The following MARCHF6 variants were observed in gnomAD, a reference collection of about 807,000 sequenced individuals.
The protein encoded by MARCHF6 is E3 ubiquitin-protein ligase MARCHF6.
A neutral mutation model predicts 133.7 loss-of-function variants in MARCHF6; 31 were observed. The observed-to-expected ratio is 0.23, with a 90% CI of 0.17 to 0.31. The LOEUF (loss-of-function observed/expected upper bound fraction) is 0.31, where lower values mean the gene tolerates loss of function less well. Ranked by LOEUF, MARCHF6 falls within the 10% of genes least tolerant of loss-of-function variation. The pLI, the probability that MARCHF6 is intolerant of heterozygous loss-of-function variation, is 1.00. For synonymous variants in MARCHF6, 395 were observed against 402.5 expected, an observed-to-expected ratio of 0.98 and a Z score of 0.22; for missense variants, 723 against 1,121.6, an observed-to-expected ratio of 0.64 and a Z score of 5.08.
At chr5:10,377,380 TCA>T (rs200012707) in intron 1 of MARCHF6, among the ~76,000 whole-genome samples, 89 of 152,276 alleles carry the variant, frequency 5.8e-4, no homozygotes, top group Middle Eastern at 3.4e-3. Flanking sequence ...TGGTGAGTCC[TCA>T]CATGTGTTTT....
rs769081879 is a variant in MARCHF6, at chr5:10,414,490, C to T, written c.1954C>T (p.Leu652Phe). 2 of 1,612,338 alleles carry T rather than the reference C, an allele frequency of 1.2e-6. No homozygotes were observed. The highest frequency in any genetic ancestry group is 1.7e-5 in the Admixed American group (1 of 59,924). ...ATTACTGATTGCCAGCCTCATCTGC[C>T]TTACTTTACCAGGTATGAGCTTGTG... ...ITLLIASLIC[L>F]TLPVFAGRWL... The change falls in exon 20 of 26, where the codon CTT becomes TTT. Residue 652 changes from leucine (L) to phenylalanine (F), a missense_variant. Physicochemically the swap from Leu to Phe is conservative, Grantham distance 22 (BLOSUM62 0). Around this residue, in one of 4 missense-constraint regions of MARCHF6, gnomAD observed 492 missense variants for 699.5 expected, o/e 0.70. Transcript: ENST00000274140.
chr5:10,430,140 G>A, intron 25 of MARCHF6, 112 bp downstream of exon 25: 1 of 1,273,076 alleles, frequency 7.9e-7, no homozygotes, highest in Non-Finnish European at 1.1e-6. Context: ...GATATACTTG[G>A]AGGTGGGATT....
chr5:10,424,397 A>G (rs1327228199), intron 23 of MARCHF6, among the ~76,000 whole-genome samples: 3 of 152,046 alleles, frequency 2.0e-5, no homozygotes, highest in Non-Finnish European at 2.9e-5. Flanking sequence ...GGGGTGGGCT[A>G]CCTTTTGTCT....
chr5:10,433,784 A>G lies in MARCHF6; in HGVS notation c.*100A>G. ...CCAGTGATCTCTCAGCGTTGTTTTT[A>G]AGTTAAATGTATTTGACTTGTGTTC... On this transcript the variant is annotated 3_prime_UTR_variant, in exon 26 of 26. Coordinates refer to ENST00000274140, the MANE Select transcript of MARCHF6 (RefSeq NM_005885.4). 1.0e-6 allele frequency: 1 copy of G among 958,822 alleles called. No homozygotes were observed. Among genetic ancestry groups the G allele is most frequent in the Non-Finnish European group, 1.7e-6 (1 of 602,516 alleles). 59.4% of individuals were successfully genotyped at this position (958,822 alleles called of 1,614,324 possible).
rs1740532235 is a variant in MARCHF6, at chr5:10,434,925, AC to A, written c.*1244del. The A allele has an allele frequency of 6.6e-6, 1 of 152,636 alleles. No individual in the cohort carries two copies. Among genetic ancestry groups the A allele is most frequent in the African/African-American group, 2.4e-5 (1 of 41,460 alleles). 9.5% of individuals were successfully genotyped at this position (152,636 alleles called of 1,614,324 possible). ...ATTCTGAAAAATCTCAGAGAACTGA[AC>A]CCTTACAAACTTTGTTTTCCCTCAT... On this transcript the variant is annotated 3_prime_UTR_variant, in exon 26 of 26. Coordinates refer to ENST00000274140, the MANE Select transcript of MARCHF6 (RefSeq NM_005885.4).
Position 10,430,011 on chromosome 5 carries a change from A to G in MARCHF6, c.2625A>G (p.Glu875=), listed in dbSNP as rs759302735. The part of the protein sequence containing the change: ...FQVRQFKRLY[E]HIKNDKYLVG... ...TCCGCCAGTTTAAGCGCCTTTATGA[A>G]CATATTAAAAATGACAAGTAAGTCT... Residue 875 remains glutamate (E), a synonymous_variant, in exon 25 of 26, where the codon GAA becomes GAG. Coordinates refer to ENST00000274140, the MANE Select transcript of MARCHF6 (RefSeq NM_005885.4). The G allele has an allele frequency of 1.9e-5, 31 of 1,611,052 alleles. No homozygotes were observed. The South Asian group carries it at 2.6e-4, about 14-fold the overall frequency.
rs1739226579 is a variant in MARCHF6 at position 10,411,477 on chromosome 5, C to G, written c.1836C>G (p.Leu612=). The change falls in exon 19 of 26, where the codon CTC becomes CTG. Residue 612 remains leucine (L), a synonymous_variant. Coordinates refer to ENST00000274140, the MANE Select transcript of MARCHF6 (RefSeq NM_005885.4). ...TTCATGCAGCCCACCAAGCCATACT[C>G]CAGCAGGGAGGGCCTGTTGGCTTTC... ...EGLHAAHQAI[L]QQGGPVGFQP... The G allele has an allele frequency of 6.2e-7, 1 of 1,614,236 alleles. No individual in the cohort carries two copies. The highest frequency in any genetic ancestry group is 8.5e-7 in the Non-Finnish European group (1 of 1,180,044).
At chr5:10,393,561 T>C (rs1422771234) in intron 7 of MARCHF6, among the ~76,000 whole-genome samples, 3 of 152,250 alleles carry the variant, frequency 2.0e-5, no homozygotes, top group African/African-American at 7.2e-5. Flanking sequence ...TCTCTCTTGA[T>C]CTAATACAGT....
At chr5:10,410,611 C>A (rs564229134) in intron 18 of MARCHF6, among the ~76,000 whole-genome samples, 5 of 151,790 alleles carry the variant, frequency 3.3e-5, no homozygotes, top group Admixed American at 6.6e-5. Flanking sequence ...TTATTTAGTG[C>A]TCATAACCTG....
intron 3 of MARCHF6, among the ~76,000 whole-genome samples, chr5:10,380,779 C>T (rs1439499650): frequency 6.6e-6 from 1 of 151,992 alleles, no homozygotes; most frequent in African/African-American, 2.4e-5. Flanking sequence ...ATACAAAAAT[C>T]AGCCAGGTGT....
At chr5:10,401,936 G>C in intron 11 of MARCHF6, 123 bp from the exon 12 acceptor site, 1 of 650,240 alleles carries the variant, frequency 1.5e-6, no homozygotes, top group Non-Finnish European at 2.7e-6. Flanking sequence ...TTTTACAGTT[G>C]TTTCCTGGTT....
chr5:10,423,731 C>T lies in MARCHF6; in HGVS notation c.2284-4C>T. ...AATATGTTAAATGGTTTTTAATTCC[C>T]TAGGACTGGGCACTTGGAGTCCTGC... On this transcript the variant is annotated splice_polypyrimidine_tract_variant and splice_region_variant and intron_variant, in intron 22 of 25. Coordinates refer to ENST00000274140, the MANE Select transcript of MARCHF6 (RefSeq NM_005885.4). 1 of 1,603,568 alleles carries T rather than the reference C, an allele frequency of 6.2e-7. No homozygotes were observed. The highest frequency in any genetic ancestry group is 2.2e-5 in the East Asian group (1 of 44,722).
rs765027484 is a variant in MARCHF6 at position 10,394,059 on chromosome 5, T to G, written c.767-23T>G. The stretch of plus-strand genomic sequence containing the variant: ...TTATTATTTTTACTTCAAGTAATCT[T>G]TAAATTGCAATTATATTTTCAGATG... On this transcript the variant is annotated intron_variant, in intron 7 of 25. Coordinates refer to ENST00000274140, the MANE Select transcript of MARCHF6 (RefSeq NM_005885.4). 2.1e-6 allele frequency: 3 copies of G among 1,414,090 alleles called. No homozygotes were observed. The East Asian group carries it at 7.3e-5, about 34-fold the overall frequency. 87.6% of individuals were successfully genotyped at this position (1,414,090 alleles called of 1,614,324 possible). A position where few individuals can be genotyped will look rare whatever the true frequency, so the allele number is the denominator to read the frequency against.
chr5:10,391,965 T>G lies in MARCHF6; in HGVS notation c.766+234T>G, dbSNP rs184212746. Among the ~76,000 whole-genome samples, 49 of 151,802 alleles carry G rather than the reference T, an allele frequency of 3.2e-4. 2 individuals carry two copies. Among genetic ancestry groups the G allele is most frequent in the Admixed American group, 2.9e-3 (44 of 15,272 alleles). On this transcript the variant is annotated intron_variant, in intron 7 of 25. Transcript: ENST00000274140. ...AAAATCCTTTTTACACAGGCCTTTT[T>G]TTTTTTTTTGGGAGACTGAGTCTCG... is the stretch of plus-strand genomic sequence containing the variant.
chr5:10,391,537 T>A lies in MARCHF6; in HGVS notation c.577-5T>A. 3.1e-6 allele frequency: 5 copies of A among 1,601,100 alleles called. No individual in the cohort carries two copies. Among genetic ancestry groups the A allele is most frequent in the Non-Finnish European group, 4.3e-6 (5 of 1,171,526 alleles). On this transcript the variant is annotated splice_polypyrimidine_tract_variant and splice_region_variant and intron_variant, in intron 6 of 25. Coordinates refer to ENST00000274140, the MANE Select transcript of MARCHF6 (RefSeq NM_005885.4). ...CTAAATTTCTGGGCTTTTCTGTGAT[T>A]TTAGGCTCCAGCAGGAGGAAATGGT...
chr5:10,405,311 T>G (rs1738814698), intron 15 of MARCHF6, among the ~76,000 whole-genome samples: 1 of 152,062 alleles, frequency 6.6e-6, no homozygotes, highest in African/African-American at 2.4e-5. Context: ...TTGGACCCAA[T>G]GAATGTTTTT....
chr5:10,378,888 A>T, intron 3 of MARCHF6, 56 bp downstream of exon 3: 1 of 1,182,758 alleles, frequency 8.5e-7, no homozygotes, highest in South Asian at 1.3e-5. Context: ...CGTGGCATAA[A>T]GGTGTTTGAT....
At chr5:10,411,572 T>G in intron 19 of MARCHF6, 35 bp downstream of exon 19, 1 of 1,521,272 alleles carries the variant, frequency 6.6e-7, no homozygotes, top group Non-Finnish European at 8.9e-7. Context: ...CATATAGAGG[T>G]TTTTTTGGTT....
chr5:10,354,027 CCTGGGCCGTTTGTCCACCCGCTGGGCCT>C, intron 1 of MARCHF6, 110 bp downstream of exon 1: 2 of 1,155,310 alleles, frequency 1.7e-6, no homozygotes, highest in Non-Finnish European at 2.3e-6. Context: ...GGGGCGGACG[CCTGGGCCGTTTGTCCACCCGCTGGGCCT>C]CTGGGCCGGG....
Sources: gnomAD v4.1 joint callset for allele counts (sites outside exome capture counted in the v4.1 genomes callset) on GRCh38, gnomAD v4.1.1 for gene constraint, gnomAD v4.1.1 regional missense constraint, MANE v1.5 for transcripts, NCBI Gene and HGNC (gene_info 2026-07-23, HGNC 2026-07-21) for gene names.